Variants in CYP4X1 observed in about 807,000 individuals in gnomAD.
The protein encoded by CYP4X1 is cytochrome P450 family 4 subfamily X member 1.
A neutral mutation model predicts 57.9 loss-of-function variants in CYP4X1; 44 were observed. That is an observed-to-expected ratio of 0.76 (90% CI 0.60 to 0.98). CYP4X1 has a LOEUF of 0.98. CYP4X1 is among the 50% of genes least tolerant of loss of function. CYP4X1 has a pLI of 0.00. For synonymous variants in CYP4X1, 227 were observed against 228.6 expected (o/e 0.99, Z 0.06); for missense variants, 532 against 623.9 (o/e 0.85, Z 1.57).
chr1:46,976,720 G>C, the CYP4X1 span, among the ~76,000 whole-genome samples: 2 of 152,222 alleles, frequency 1.3e-5, no homozygotes, highest in Admixed American at 1.3e-4. Context: ...ACCTCATACA[G>C]CTGGGTGCCC....
intron 8 of CYP4X1, among the ~76,000 whole-genome samples, chr1:47,041,730 G>A (rs1384611542): frequency 6.6e-6 from 1 of 151,948 alleles, no homozygotes; most frequent in Non-Finnish European, 1.5e-5. Flanking sequence ...CCTTTAAGTT[G>A]TCTCTTCACT....
At chr1:47,044,588 G>A (rs955254116) in intron 8 of CYP4X1, among the ~76,000 whole-genome samples, 1 of 152,114 alleles carries the variant, frequency 6.6e-6, no homozygotes, top group African/African-American at 2.4e-5. Flanking sequence ...CTTTATCAGT[G>A]AGATTTTTGT....
At chr1:47,036,638 C>G (rs998957157) in intron 6 of CYP4X1, among the ~76,000 whole-genome samples, 2 of 152,002 alleles carry the variant, frequency 1.3e-5, no homozygotes, top group African/African-American at 2.4e-5. Context: ...GCTTTTTAAG[C>G]AATTCAACAT....
At chr1:47,010,549 A>T in the CYP4X1 span, among the ~76,000 whole-genome samples, 2 of 152,206 alleles carry the variant, frequency 1.3e-5, no homozygotes, top group Non-Finnish European at 2.9e-5. Context: ...TAGTGTTGGA[A>T]GTTCTGGCCA....
At chr1:47,021,626 C>G (rs1487052027), upstream of CYP4X1, among the ~76,000 whole-genome samples, 1 of 152,218 alleles carries the variant, frequency 6.6e-6, no homozygotes, top group African/African-American at 2.4e-5. Flanking sequence ...CTCTTCAACA[C>G]CTTCCAGCCT....
the CYP4X1 span, among the ~76,000 whole-genome samples, chr1:46,968,424 C>T: frequency 5.9e-5 from 9 of 152,320 alleles, no homozygotes; most frequent in African/African-American, 2.2e-4. Flanking sequence ...TCAGCCAGCC[C>T]TCCATGGACT....
chr1:47,026,122 A>T (rs12732488), intron 1 of CYP4X1, among the ~76,000 whole-genome samples: 5,410 of 152,014 alleles, frequency 0.036, 230 homozygotes, highest in African/African-American at 0.11. Context: ...GAGGTAGGGA[A>T]GGTTAATGGG....
At chr1:47,000,534 G>T in the CYP4X1 span, among the ~76,000 whole-genome samples, 3 of 152,058 alleles carry the variant, frequency 2.0e-5, no homozygotes, top group Non-Finnish European at 4.4e-5. Flanking sequence ...AACTATAAGA[G>T]AATAAAAAGA....
chr1:46,975,593 A>G, the CYP4X1 span, among the ~76,000 whole-genome samples: 1 of 151,814 alleles, frequency 6.6e-6, no homozygotes, highest in Non-Finnish European at 1.5e-5. Context: ...GCTGCATTTC[A>G]TATGTTTTCT....
chr1:47,001,631 C>T, the CYP4X1 span, among the ~76,000 whole-genome samples: 3 of 152,178 alleles, frequency 2.0e-5, no homozygotes, highest in African/African-American at 4.8e-5. Flanking sequence ...CTTGCCCTTA[C>T]GCCTCGGTCC....
the CYP4X1 span, among the ~76,000 whole-genome samples, chr1:46,986,998 A>C: frequency 2.0e-5 from 3 of 152,236 alleles, no homozygotes; most frequent in African/African-American, 7.2e-5. Flanking sequence ...AGCTAGCATC[A>C]TAATGAAAAG....
the CYP4X1 span, among the ~76,000 whole-genome samples, chr1:46,989,004 T>A: frequency 2.1e-4 from 32 of 152,094 alleles, no homozygotes; most frequent in Admixed American, 9.2e-4. Flanking sequence ...AAGGATGCCC[T>A]CTCTCACCAC....
chr1:47,044,974 C>A (rs940041460), intron 8 of CYP4X1, among the ~76,000 whole-genome samples: 1 of 152,044 alleles, frequency 6.6e-6, no homozygotes, highest in African/African-American at 2.4e-5. Context: ...TACAGGCATG[C>A]ACCACCATGC....
At chr1:46,965,345 C>T in the CYP4X1 span, among the ~76,000 whole-genome samples, 1 of 152,242 alleles carries the variant, frequency 6.6e-6, no homozygotes, top group East Asian at 1.9e-4. Flanking sequence ...CTGCATTGCT[C>T]ACGCTGGGAG....
chr1:46,961,590 G>T, the CYP4X1 span: 7 of 1,273,416 alleles, frequency 5.5e-6, no homozygotes, highest in Non-Finnish European at 7.1e-6. Context: ...GCTATGATGT[G>T]GGGAGGAGGC....
chr1:47,031,985 G>A (rs550472397), intron 3 of CYP4X1, among the ~76,000 whole-genome samples: 17 of 152,180 alleles, frequency 1.1e-4, no homozygotes, highest in Admixed American at 3.9e-4. Flanking sequence ...GGAGGTTGCC[G>A]TGAGCTCAGA....
At chr1:47,054,682 T>C (rs979682072), downstream of CYP4X1, among the ~76,000 whole-genome samples, 40 of 152,198 alleles carry the variant, frequency 2.6e-4, no homozygotes, top group Non-Finnish European at 4.7e-4. Context: ...TTTGAAGCAA[T>C]TGTGAATGGG....
chr1:47,010,454 A>C, the CYP4X1 span, among the ~76,000 whole-genome samples: 1 of 152,234 alleles, frequency 6.6e-6, no homozygotes, highest in Non-Finnish European at 1.5e-5. Flanking sequence ...AGCCAATATC[A>C]TACTGAATGG....
At chr1:47,051,378 C>CA (rs71658807), downstream of CYP4X1, among the ~76,000 whole-genome samples, 39,191 of 135,004 alleles carry the variant, frequency 0.29, 5,449 homozygotes, top group East Asian at 0.48. Context: ...GACTCCATCT[C>CA]AAAAAAAAAA....
Sources: allele counts gnomAD v4.1 joint callset (sites outside exome capture counted in the v4.1 genomes callset), GRCh38; gene constraint gnomAD v4.1.1; transcripts MANE v1.5; gene names NCBI Gene and HGNC (gene_info 2026-07-23, HGNC 2026-07-21).